The following MYO1B variants were observed in gnomAD, a reference collection of about 807,000 sequenced individuals.
MYO1B encodes myosin IB, also known as unconventional myosin-Ib.
MYO1B carries 72 observed loss-of-function variants against 159.7 expected under a neutral mutation model. That is an observed-to-expected ratio of 0.45 (90% CI 0.37 to 0.55). The LOEUF (loss-of-function observed/expected upper bound fraction) is 0.55, where lower values mean the gene tolerates loss of function less well. Ranked by LOEUF, MYO1B falls within the 20% of genes least tolerant of loss-of-function variation. MYO1B has a pLI of 0.00. For synonymous variants in MYO1B, 468 were observed against 473.8 expected, an observed-to-expected ratio of 0.99 and a Z score of 0.16; for missense variants, 1,062 against 1,364.8, an observed-to-expected ratio of 0.78 and a Z score of 3.50.
chr2:191,256,853 G>A (rs1297225096), intron 1 of MYO1B, among the ~76,000 whole-genome samples: 1 of 152,188 alleles, frequency 6.6e-6, no homozygotes, highest in African/African-American at 2.4e-5. Context: ...TATAGTTGCA[G>A]AAACTAGGTA....
At chr2:191,355,566 A>G (rs1370189871) in intron 7 of MYO1B, among the ~76,000 whole-genome samples, 1 of 152,230 alleles carries the variant, frequency 6.6e-6, no homozygotes, top group Non-Finnish European at 1.5e-5. Context: ...GCACTTTGGT[A>G]GTGAGGCAGT....
At chr2:191,390,155 C>T in intron 17 of MYO1B, 137 bp from the exon 18 acceptor site, 1 of 753,846 alleles carries the variant, frequency 1.3e-6, no homozygotes, top group South Asian at 3.3e-5. Context: ...GAAATAATTT[C>T]AAAAGTAATG....
chr2:191,377,816 C>T (rs1429872226), intron 13 of MYO1B: 1 of 151,954 alleles, frequency 6.6e-6, no homozygotes. Flanking sequence ...ACAATGCCAT[C>T]AACTTCAGCT....
intron 6 of MYO1B, among the ~76,000 whole-genome samples, chr2:191,349,749 G>A (rs181934032): frequency 6.6e-6 from 1 of 152,256 alleles, no homozygotes; most frequent in Admixed American, 6.5e-5. Context: ...TTACTGATAT[G>A]TTTCAAGTTC....
At chr2:191,358,133 CTG>C (rs1044726003) in intron 7 of MYO1B, among the ~76,000 whole-genome samples, 18 of 151,966 alleles carry the variant, frequency 1.2e-4, no homozygotes, top group Non-Finnish European at 2.4e-4. Flanking sequence ...ATTATAAAGA[CTG>C]TAAGCATGAT....
At chr2:191,326,837 C>A (rs1009582633) in intron 3 of MYO1B, among the ~76,000 whole-genome samples, 2 of 149,304 alleles carry the variant, frequency 1.3e-5, no homozygotes, top group Non-Finnish European at 3.0e-5. Flanking sequence ...ATATGTTACT[C>A]ATTTTTGAAG....
At chr2:191,289,168 G>A (rs538428436) in intron 2 of MYO1B, among the ~76,000 whole-genome samples, 1 of 152,262 alleles carries the variant, frequency 6.6e-6, no homozygotes, top group East Asian at 1.9e-4. Flanking sequence ...GGTAAAATGG[G>A]AGGCTTTTGC....
At chr2:191,417,293 A>G (rs940447755) in intron 30 of MYO1B, among the ~76,000 whole-genome samples, 2 of 152,050 alleles carry the variant, frequency 1.3e-5, no homozygotes, top group African/African-American at 4.8e-5. Flanking sequence ...CTTCATGTAT[A>G]CTCTATATTG....
intron 27 of MYO1B, among the ~76,000 whole-genome samples, chr2:191,413,718 T>C (rs1361646941): frequency 1.3e-5 from 2 of 152,176 alleles, no homozygotes; most frequent in Non-Finnish European, 2.9e-5. Context: ...TTAGAAGAAA[T>C]TGCCTTTTCC....
At position 191,423,823 on chromosome 2, in the gene MYO1B, T is replaced by G; in HGVS notation, c.3288-14T>G. 6.2e-7 allele frequency: 1 copy of G among 1,601,122 alleles called. No homozygotes were observed. Among genetic ancestry groups the G allele is most frequent in the Non-Finnish European group, 8.5e-7 (1 of 1,176,140 alleles). On this transcript the variant is annotated splice_polypyrimidine_tract_variant and intron_variant, in intron 30 of 30. Transcript: ENST00000392318. ...TTTGTGTATACTTTAATTTGTTTTA[T>G]TCTTTTCTCCTAGGTTCCTGGTACA...
At chr2:191,352,967 A>T (rs1450605778) in intron 7 of MYO1B, among the ~76,000 whole-genome samples, 1 of 152,228 alleles carries the variant, frequency 6.6e-6, no homozygotes, top group Non-Finnish European at 1.5e-5. Flanking sequence ...TAGTGAAAGC[A>T]TAGATTGTCA....
chr2:191,420,654 T>C (rs1472311569), intron 30 of MYO1B, among the ~76,000 whole-genome samples: 1 of 152,244 alleles, frequency 6.6e-6, no homozygotes, highest in Non-Finnish European at 1.5e-5. Flanking sequence ...GATGCATGAC[T>C]ATATTTCTAA....
chr2:191,400,566 G>A (rs892361380), intron 22 of MYO1B, 98 bp downstream of exon 22: 1 of 1,420,234 alleles, frequency 7.0e-7, no homozygotes, highest in East Asian at 2.3e-5. Flanking sequence ...TCACTGGCTT[G>A]AGCTACTGAG....
At chr2:191,353,558 C>T (rs2125990382) in intron 7 of MYO1B, among the ~76,000 whole-genome samples, 1 of 152,258 alleles carries the variant, frequency 6.6e-6, no homozygotes, top group South Asian at 2.1e-4. Flanking sequence ...TAGTGTAATA[C>T]CTGACACAGC....
intron 7 of MYO1B, among the ~76,000 whole-genome samples, chr2:191,351,096 A>G (rs1255480380): frequency 6.6e-6 from 1 of 151,814 alleles, no homozygotes; most frequent in Admixed American, 6.6e-5. Flanking sequence ...TTTTTTGAGG[A>G]CCATAGAACT....
At chr2:191,260,325 A>G (rs1440756938) in intron 1 of MYO1B, among the ~76,000 whole-genome samples, 1 of 124,780 alleles carries the variant, frequency 8.0e-6, no homozygotes, top group Admixed American at 1.1e-4. Flanking sequence ...GGGGAGCCTT[A>G]TATGCATGGT....
chr2:191,333,171 T>G (rs868808438), intron 4 of MYO1B, among the ~76,000 whole-genome samples: 3 of 152,190 alleles, frequency 2.0e-5, no homozygotes, highest in Non-Finnish European at 1.5e-5. Context: ...CTTTCTCCAT[T>G]TTTTTCCTTA....
chr2:191,250,004 A>C (rs1448604475), intron 1 of MYO1B, among the ~76,000 whole-genome samples: 2 of 152,244 alleles, frequency 1.3e-5, no homozygotes, highest in Non-Finnish European at 2.9e-5. Context: ...TGCAGTTGTC[A>C]GCCTCTTCCT....
intron 1 of MYO1B, among the ~76,000 whole-genome samples, chr2:191,247,147 A>G (rs922567959): frequency 6.6e-6 from 1 of 152,102 alleles, no homozygotes; most frequent in African/African-American, 2.4e-5. Context: ...CCTGTGGGAC[A>G]CTGGTGGGAG....
Sources: allele counts gnomAD v4.1 joint callset (sites outside exome capture counted in the v4.1 genomes callset), GRCh38; gene constraint gnomAD v4.1.1; transcripts MANE v1.5; gene names NCBI Gene and HGNC (gene_info 2026-07-23, HGNC 2026-07-21).